Variants in SHC2 observed in about 807,000 individuals in gnomAD.
The protein encoded by SHC2 is SHC-transforming protein 2.
A neutral mutation model predicts 60.6 loss-of-function variants in SHC2; 62 were observed. The observed-to-expected ratio is 1.02, with a 90% CI of 0.83 to 1.26. The LOEUF (loss-of-function observed/expected upper bound fraction) is 1.26, where lower values mean the gene tolerates loss of function less well. SHC2 is among the 50% of genes most tolerant of loss of function. The pLI is 0.00. For missense variants in SHC2, 873 were observed against 822.2 expected (o/e 1.06, Z -0.76); for synonymous variants, 375 against 372.4 (o/e 1.01, Z -0.08).
At position 440,074 on chromosome 19, in the gene SHC2, G is replaced by A. The variant is rs901354989; in HGVS notation, c.539+788C>T. Among the ~76,000 whole-genome samples, 4 of 124,076 alleles carry A rather than the reference G, an allele frequency of 3.2e-5. No individual in the cohort carries two copies. The highest frequency in any genetic ancestry group is 3.2e-4 in the East Asian group (1 of 3,098). The allele number at this position is 124,076 out of a possible 152,430, so 81.4% of individuals were successfully genotyped here. ...AAGGCTCTGACCCAGGCCACAGCGCGGACACACCTCGGGAACGCCATGCTC... is the reference window on the plus strand; with the variant it reads ...AAGGCTCTGACCCAGGCCACAGCGCAGACACACCTCGGGAACGCCATGCTC... On this transcript the variant is annotated intron_variant, in intron 2 of 12. Transcript: ENST00000264554. This position sits in a 1 kb window ranked among gnomAD's most constrained non-coding sequence, Gnocchi z 7.0.
Position 438,594 on chromosome 19 carries a change from T to A in SHC2, c.720+124A>T, listed in dbSNP as rs1974774152. ...CCCCCAGCTCCTGCTCAGCGGGGCC[T>A]CGGCTCGTCTTTCTGGATAAACGCC... On this transcript the variant is annotated intron_variant, in intron 4 of 12. Coordinates refer to ENST00000264554, the MANE Select transcript of SHC2 (RefSeq NM_012435.3). This position sits in a 1 kb window ranked among gnomAD's most constrained non-coding sequence, Gnocchi z 5.0. 2 of 1,172,246 alleles carry A rather than the reference T, an allele frequency of 1.7e-6. No homozygotes were observed. The highest frequency in any genetic ancestry group is 4.8e-5 in the Admixed American group (2 of 42,062). 72.6% of individuals were successfully genotyped at this position (1,172,246 alleles called of 1,614,324 possible).
intron 1 of SHC2, among the ~76,000 whole-genome samples, chr19:442,879 G>A (rs1600306547): frequency 2.3e-5 from 3 of 131,812 alleles, no homozygotes; most frequent in East Asian, 2.7e-4. Context: ...GGATAGATGA[G>A]TGGATGGGTG....
At chr19:435,468 G>T (rs535372894) in intron 7 of SHC2, among the ~76,000 whole-genome samples, 4 of 152,386 alleles carry the variant, frequency 2.6e-5, no homozygotes, top group Non-Finnish European at 5.9e-5. Context: ...GCACAAAGGG[G>T]TGAGTGTGAG....
In SHC2 at chr19:424,904, T is replaced by A. The variant is rs1254584512; in HGVS notation, c.1309+193A>T. On this transcript the variant is annotated intron_variant, in intron 10 of 12. Coordinates refer to ENST00000264554, the MANE Select transcript of SHC2 (RefSeq NM_012435.3). The surrounding 1 kb of genome is among the most constrained non-coding windows in gnomAD (Gnocchi z 4.5). ...TAAGGCAGAGTCCAGGACACCCCCA[T>A]CAGACAAGGCCTCCGACAGGAGACA... is the stretch of plus-strand genomic sequence containing the variant. Among the ~76,000 whole-genome samples the A allele has an allele frequency of 6.6e-6, 1 of 152,036 alleles. No homozygotes were observed. Among genetic ancestry groups the A allele is most frequent in the Admixed American group, 6.5e-5 (1 of 15,284 alleles).
intron 1 of SHC2, among the ~76,000 whole-genome samples, chr19:449,017 A>C (rs1975112385): frequency 6.6e-6 from 1 of 151,802 alleles, no homozygotes; most frequent in African/African-American, 2.4e-5. Context: ...AAAATACAAA[A>C]AGTAGCCAGG....
In SHC2 at chr19:425,251, G is replaced by A. The variant is rs768279581; in HGVS notation, c.1175-20C>T. On this transcript the variant is annotated intron_variant, in intron 9 of 12. Transcript: ENST00000264554. The surrounding 1 kb of genome is among the most constrained non-coding windows in gnomAD (Gnocchi z 4.1). ...GTGGAGCTGGGGAGTGTAAAGAGGG[G>A]CAGGGGGTCAGCTGGGAGCCAGGCG... The A allele has an allele frequency of 1.5e-6, 2 of 1,315,946 alleles. No homozygotes were observed. The highest frequency in any genetic ancestry group is 2.0e-6 in the Non-Finnish European group (2 of 1,024,354). The allele number at this position is 1,315,946 out of a possible 1,614,324, so 81.5% of individuals were successfully genotyped here. A position where few individuals can be genotyped will look rare whatever the true frequency, so the allele number is the denominator to read the frequency against.
intron 1 of SHC2, among the ~76,000 whole-genome samples, chr19:454,562 G>A (rs542488959): frequency 1.3e-4 from 20 of 152,316 alleles, no homozygotes; most frequent in South Asian, 1.0e-3. Context: ...GCAGGCGGGC[G>A]GATCACCTGA....
chr19:436,361 G>T lies in SHC2; in HGVS notation c.826+19C>A. On this transcript the variant is annotated intron_variant, in intron 6 of 12. Coordinates refer to ENST00000264554, the MANE Select transcript of SHC2 (RefSeq NM_012435.3). The stretch of plus-strand genomic sequence containing the variant: ...CCCCCCAGCCACAGGACCCCCACCG[G>T]CCTCCCCGGGGGCCTCACCTCTCTG... 1 of 1,596,454 alleles carries T rather than the reference G, an allele frequency of 6.3e-7. No homozygotes were observed. Among genetic ancestry groups the T allele is most frequent in the Non-Finnish European group, 8.6e-7 (1 of 1,168,130 alleles).
intron 11 of SHC2, among the ~76,000 whole-genome samples, chr19:421,625 G>C (rs140161760): frequency 5.3e-5 from 8 of 152,152 alleles, no homozygotes; most frequent in Admixed American, 2.6e-4. Context: ...ATGATAAATG[G>C]GGGGGGAGAG....
chr19:420,420 C>T (rs1974240490), intron 11 of SHC2, among the ~76,000 whole-genome samples: 1 of 152,222 alleles, frequency 6.6e-6, no homozygotes, highest in Non-Finnish European at 1.5e-5. Flanking sequence ...ACGCCTCCTA[C>T]GCTCTGAGAG....
At chr19:443,583 T>A (rs1974969289) in intron 1 of SHC2, among the ~76,000 whole-genome samples, 1 of 140,176 alleles carries the variant, frequency 7.1e-6, no homozygotes, top group African/African-American at 2.7e-5. Context: ...GACGGGTGGG[T>A]GGATGAATGG....
chr19:434,710 T>G lies in SHC2; in HGVS notation c.1109A>C (p.Gln370Pro). 3 of 1,609,188 alleles carry G rather than the reference T, an allele frequency of 1.9e-6. No homozygotes were observed. Among genetic ancestry groups the G allele is most frequent in the Non-Finnish European group, 2.5e-6 (3 of 1,178,586 alleles). Residue 370 changes from glutamine (Q) to proline (P), a missense_variant and splice_region_variant, in exon 8 of 13, where the codon CAG (glutamine) becomes CCG (proline). Transcript: ENST00000264554. ...ATCCCCCCGAGGGCAGAGGCTGACC[T>G]GGTCGAGGGCCGTGAGGGCGCAGGG... is the stretch of plus-strand genomic sequence containing the variant. ...TQPCALTALD[Q>P]GPSPSLRDAC...
At chr19:429,422 C>T (rs1036527640) in intron 9 of SHC2, among the ~76,000 whole-genome samples, 10 of 147,062 alleles carry the variant, frequency 6.8e-5, no homozygotes, top group Non-Finnish European at 1.2e-4. Flanking sequence ...AACCTAATAC[C>T]GTGTGGATGA....
chr19:430,577 T>C (rs1215390831), intron 9 of SHC2, 107 bp downstream of exon 9: 2 of 812,442 alleles, frequency 2.5e-6, no homozygotes, highest in African/African-American at 1.7e-5. Flanking sequence ...CATAGATTAA[T>C]GTGAAATAAG....
chr19:443,768 A>G (rs1396808984), intron 1 of SHC2, among the ~76,000 whole-genome samples: 20 of 89,564 alleles, frequency 2.2e-4, no homozygotes, highest in East Asian at 4.3e-4. Flanking sequence ...ATGGGTGGAC[A>G]GATGGGTGGA....
In SHC2 at chr19:447,848, C is replaced by A. The variant is rs569765220; in HGVS notation, c.469-6916G>T. On this transcript the variant is annotated intron_variant, in intron 1 of 12. Coordinates refer to ENST00000264554, the MANE Select transcript of SHC2 (RefSeq NM_012435.3). ...ACTGCAACCATAACTCCCTGGTTTT[C>A]CATTAAAATAAATATATTAATAAAA... 4.5e-4 allele frequency among the ~76,000 whole-genome samples: 69 copies of A among 152,286 alleles called. No homozygotes were observed. The South Asian group carries it at 0.014, about 32-fold the overall frequency.
chr19:454,610 A>C (rs1253391005), intron 1 of SHC2, among the ~76,000 whole-genome samples: 2 of 152,178 alleles, frequency 1.3e-5, no homozygotes, highest in African/African-American at 2.4e-5. Flanking sequence ...AACAGGGTGA[A>C]ACCCCATCTC....
chr19:457,734 T>C (rs1397229340), intron 1 of SHC2, among the ~76,000 whole-genome samples: 1 of 152,160 alleles, frequency 6.6e-6, no homozygotes, highest in Non-Finnish European at 1.5e-5. Context: ...TTCTGAACAT[T>C]CTAAATCCCA....
chr19:436,308 C>A lies in SHC2; in HGVS notation c.827-17G>T. On this transcript the variant is annotated splice_polypyrimidine_tract_variant and intron_variant, in intron 6 of 12. Coordinates refer to ENST00000264554, the MANE Select transcript of SHC2 (RefSeq NM_012435.3). ...TGTGGCAGGCTGCGGGCACGTTGGT[C>A]ATGCAGCCTCCGAGCCACACGGCCG... 2 of 1,586,278 alleles carry A rather than the reference C, an allele frequency of 1.3e-6. No individual in the cohort carries two copies. Among genetic ancestry groups the A allele is most frequent in the South Asian group, 2.3e-5 (2 of 87,800 alleles).
Sources: gnomAD v4.1 joint callset for allele counts (sites outside exome capture counted in the v4.1 genomes callset) on GRCh38, gnomAD v4.1.1 for gene constraint, Gnocchi (gnomAD v3.1) non-coding constraint, MANE v1.5 for transcripts, NCBI Gene and HGNC (gene_info 2026-07-23, HGNC 2026-07-21) for gene names.